The following EIF3F variants were observed in gnomAD, a reference collection of about 807,000 sequenced individuals.
The protein encoded by EIF3F is eukaryotic translation initiation factor 3 subunit F, also known as deubiquitinating enzyme eIF3f.
In EIF3F, 8 loss-of-function variants were observed where a neutral mutation model predicts 36.0. The ratio of observed to expected loss-of-function variants is 0.22; its 90% confidence interval spans 0.13 to 0.40. EIF3F has a LOEUF of 0.40. EIF3F is among the 10% of genes least tolerant of loss of function. EIF3F has a pLI of 1.00. For synonymous variants in EIF3F, 184 were observed against 188.5 expected (o/e 0.98, Z 0.19); for missense variants, 430 against 467.6 (o/e 0.92, Z 0.74).
chr11:7,998,556 T>C lies in EIF3F; in HGVS notation c.*2534T>C, dbSNP rs1330213697. On this transcript the variant is annotated 3_prime_UTR_variant, in exon 8 of 8. Coordinates refer to ENST00000651655, the MANE Select transcript of EIF3F (RefSeq NM_003754.3). ...AGCTGGGAACATGGAGAGCAGGCAATTCAAATTTTTTCACATGCTGCATGT... is the reference window on the plus strand; with the variant it reads ...AGCTGGGAACATGGAGAGCAGGCAACTCAAATTTTTTCACATGCTGCATGT... The C allele has an allele frequency of 6.6e-6, 1 of 152,186 alleles. No homozygotes were observed. Among genetic ancestry groups the C allele is most frequent in the Non-Finnish European group, 1.5e-5 (1 of 68,034 alleles). 9.4% of individuals were successfully genotyped at this position (152,186 alleles called of 1,614,324 possible). A position where few individuals can be genotyped will look rare whatever the true frequency, so the allele number is the denominator to read the frequency against.
rs1942188559 is a variant in EIF3F at position 7,998,641 on chromosome 11, C to T, written c.*2619C>T. On this transcript the variant is annotated 3_prime_UTR_variant, in exon 8 of 8. Coordinates refer to ENST00000651655, the MANE Select transcript of EIF3F (RefSeq NM_003754.3). Reference sequence around the variant, plus strand: ...TACTGGAGTTAGAAATAAATTTTAGCAAGAGGTAAATTCACACATACGGAG... The same window carrying T: ...TACTGGAGTTAGAAATAAATTTTAGTAAGAGGTAAATTCACACATACGGAG... 1.3e-5 allele frequency: 2 copies of T among 152,016 alleles called. No homozygotes were observed. The highest frequency in any genetic ancestry group is 2.9e-5 in the Non-Finnish European group (2 of 68,000). The allele number at this position is 152,016 out of a possible 1,614,324, so 9.4% of individuals were successfully genotyped here. A position where few individuals can be genotyped will look rare whatever the true frequency, so the allele number is the denominator to read the frequency against.
In EIF3F at chr11:7,987,370, A is replaced by C. The variant is rs1377909980; in HGVS notation, c.18A>C (p.Val6=). ...TCGACAAGATGGCCACACCGGCGGTACCAGTAAGTGCTCCTCCGGCCACGC... is the reference window on the plus strand; with the variant it reads ...TCGACAAGATGGCCACACCGGCGGTCCCAGTAAGTGCTCCTCCGGCCACGC... MATPA[V]PVSAPPATPT... The change falls in exon 1 of 8, where the codon GTA becomes GTC. Residue 6 remains valine (V), a synonymous_variant. Transcript: ENST00000651655. 1 of 1,595,870 alleles carries C rather than the reference A, an allele frequency of 6.3e-7. No homozygotes were observed. Among genetic ancestry groups the C allele is most frequent in the Non-Finnish European group, 8.5e-7 (1 of 1,177,484 alleles).
intron 1 of EIF3F, among the ~76,000 whole-genome samples, chr11:7,990,129 A>G (rs1187286685): frequency 6.6e-6 from 1 of 152,258 alleles, no homozygotes; most frequent in Admixed American, 6.5e-5. Flanking sequence ...AGAAGAAAAT[A>G]TCAGGGATGA....
At chr11:7,992,591 A>AAGTGTGTTACCTGTAGG (rs1942110125) in intron 3 of EIF3F, 2 of 462,352 alleles carry the variant, frequency 4.3e-6, no homozygotes, top group Non-Finnish European at 7.8e-6. Flanking sequence ...AAACAAAAGG[A>AAGTGTGTTACCTGTAGG]AAGTGTGTTA....
At chr11:7,995,896 C>T (rs1942154777) in intron 7 of EIF3F, 49 bp from the exon 8 acceptor site, 1 of 1,558,552 alleles carries the variant, frequency 6.4e-7, no homozygotes, top group Non-Finnish European at 8.9e-7. Context: ...AGCCTTTTTG[C>T]TCCCTTTCCA....
At chr11:7,994,887 G>A in intron 5 of EIF3F, 95 bp from the exon 6 acceptor site, 1 of 1,531,804 alleles carries the variant, frequency 6.5e-7, no homozygotes, top group Non-Finnish European at 8.9e-7. Context: ...AGAGTTAGTA[G>A]GACGTTAAGA....
rs566214984 is a variant in EIF3F, at chr11:8,001,077, G to A, written c.*5055G>A. 31 of 152,292 alleles carry A rather than the reference G, an allele frequency of 2.0e-4. No homozygotes were observed. Among genetic ancestry groups the A allele is most frequent in the African/African-American group, 6.5e-4 (27 of 41,554 alleles). The allele number at this position is 152,292 out of a possible 1,614,324, so 9.4% of individuals were successfully genotyped here. The stretch of plus-strand genomic sequence containing the variant: ...GAATTCCTACAGTTTTTTAAGGCCA[G>A]TAATTTGATACATTAGTGTGTAAAG... On this transcript the variant is annotated 3_prime_UTR_variant, in exon 8 of 8. Transcript: ENST00000651655.
At position 7,999,607 on chromosome 11, in the gene EIF3F, A is replaced by G. The variant is rs1179313317; in HGVS notation, c.*3585A>G. On this transcript the variant is annotated 3_prime_UTR_variant, in exon 8 of 8. Coordinates refer to ENST00000651655, the MANE Select transcript of EIF3F (RefSeq NM_003754.3). ...ATATATTATAGAACTGTGTAATTAA[A>G]GCAATATGGTACTGGTCCATAAAAG... 3 of 152,254 alleles carry G rather than the reference A, an allele frequency of 2.0e-5. No individual in the cohort carries two copies. The highest frequency in any genetic ancestry group is 7.2e-5 in the African/African-American group (3 of 41,464). 9.4% of individuals were successfully genotyped at this position (152,254 alleles called of 1,614,324 possible). A position where few individuals can be genotyped will look rare whatever the true frequency, so the allele number is the denominator to read the frequency against.
chr11:7,994,635 G>A, intron 5 of EIF3F, 118 bp downstream of exon 5: 1 of 920,750 alleles, frequency 1.1e-6, no homozygotes, highest in South Asian at 1.7e-5. Context: ...TTGATCTAAG[G>A]TTTGTGAAGA....
At chr11:7,993,611 C>A (rs1382548123) in intron 4 of EIF3F, among the ~76,000 whole-genome samples, 2 of 152,112 alleles carry the variant, frequency 1.3e-5, no homozygotes, top group African/African-American at 4.8e-5. Flanking sequence ...GTTGGAAAGA[C>A]CATGGTCAAA....
At chr11:7,987,960 A>C in intron 1 of EIF3F, 2 of 450,456 alleles carry the variant, frequency 4.4e-6, no homozygotes, top group Non-Finnish European at 7.2e-6. Context: ...CACAAGGAGT[A>C]GTTGTGTCAT....
intron 1 of EIF3F, among the ~76,000 whole-genome samples, chr11:7,990,460 G>A (rs923317006): frequency 5.9e-5 from 9 of 152,138 alleles, no homozygotes; most frequent in African/African-American, 2.2e-4. Flanking sequence ...TTCTAGATCA[G>A]GGCCTGGCCT....
At chr11:7,989,692 A>G (rs939804720) in intron 1 of EIF3F, among the ~76,000 whole-genome samples, 1 of 152,240 alleles carries the variant, frequency 6.6e-6, no homozygotes, top group East Asian at 1.9e-4. Context: ...GAAGGGTGTC[A>G]TGGTGGCATG....
At position 7,992,067 on chromosome 11, in the gene EIF3F, C is replaced by T. The variant is rs747185553; in HGVS notation, c.436-17C>T. 12 of 1,612,170 alleles carry T rather than the reference C, an allele frequency of 7.4e-6. No homozygotes were observed. The South Asian group carries it at 1.1e-4, about 15-fold the overall frequency. Reference sequence around the variant, plus strand: ...GACTTCTGGCTTCTTAGCTTGCTTTCCTGCCTTCCCTCTTAGGTGGCTGTT... The same window carrying T: ...GACTTCTGGCTTCTTAGCTTGCTTTTCTGCCTTCCCTCTTAGGTGGCTGTT... On this transcript the variant is annotated splice_polypyrimidine_tract_variant and intron_variant, in intron 2 of 7. Transcript: ENST00000651655.
chr11:8,000,467 C>T lies in EIF3F; in HGVS notation c.*4445C>T, dbSNP rs4758038. 77,274 of 151,810 alleles carry T rather than the reference C, an allele frequency of 0.51. 21,055 individuals carry two copies. Among genetic ancestry groups the T allele is most frequent in the African/African-American group, 0.7 (28,862 of 41,372 alleles). The allele number at this position is 151,810 out of a possible 1,614,324, so 9.4% of individuals were successfully genotyped here. On this transcript the variant is annotated 3_prime_UTR_variant, in exon 8 of 8. Transcript: ENST00000651655. ...TCAGTTAAACAGGAGTAGTACGTTC[C>T]GGAGACCTGTTGTGCAGCAGGGTGA... is the stretch of plus-strand genomic sequence containing the variant.
At chr11:7,988,693 G>A (rs1463073056) in intron 1 of EIF3F, among the ~76,000 whole-genome samples, 1 of 152,160 alleles carries the variant, frequency 6.6e-6, no homozygotes, top group African/African-American at 2.4e-5. Context: ...CACCATAGAA[G>A]ACAGTTGGTA....
Position 7,987,556 on chromosome 11 carries a change from T to A in EIF3F, c.204T>A (p.Ala68=), listed in dbSNP as rs745521038. Residue 68 remains alanine (A), a synonymous_variant, in exon 1 of 8, where the codon GCT becomes GCA. Transcript: ENST00000651655. ...GCCAGACCCCGGCCTCAGCGCAAGC[T>A]CCAGCGCAGACCCCAGCGCCCGCTC... The part of the protein sequence containing the change: ...APGQTPASAQ[A]PAQTPAPALP... 385 of 1,600,298 alleles carry A rather than the reference T, an allele frequency of 2.4e-4. 1 individual carries two copies. The highest frequency in any genetic ancestry group is 4.4e-4 in the Middle Eastern group (2 of 4,516).
At chr11:7,993,820 C>T (rs1317052393) in intron 4 of EIF3F, among the ~76,000 whole-genome samples, 1 of 140,588 alleles carries the variant, frequency 7.1e-6, no homozygotes, top group African/African-American at 2.9e-5. Flanking sequence ...ATTTCAGACT[C>T]CTCAAGATCC....
chr11:7,995,773 C>T, intron 7 of EIF3F, 172 bp from the exon 8 acceptor site: 1 of 685,654 alleles, frequency 1.5e-6, no homozygotes, highest in Non-Finnish European at 2.6e-6. Flanking sequence ...AAAGCCTTCT[C>T]AAGCATTTCC....
Sources: allele counts gnomAD v4.1 joint callset (sites outside exome capture counted in the v4.1 genomes callset), GRCh38; gene constraint gnomAD v4.1.1; transcripts MANE v1.5; gene names NCBI Gene and HGNC (gene_info 2026-07-23, HGNC 2026-07-21).